LRRTM4: variants seen among roughly 807,000 people sequenced by gnomAD.
LRRTM4 encodes leucine-rich repeat transmembrane neuronal protein 4.
In LRRTM4, 25 loss-of-function variants were observed where a neutral mutation model predicts 47.6. The ratio of observed to expected loss-of-function variants is 0.53; its 90% confidence interval spans 0.38 to 0.73. LRRTM4 has a LOEUF of 0.73. Ranked by LOEUF, LRRTM4 falls within the 30% of genes least tolerant of loss-of-function variation. The pLI, the probability that LRRTM4 is intolerant of heterozygous loss-of-function variation, is 0.00. For missense variants in LRRTM4, 638 were observed against 713.4 expected, an observed-to-expected ratio of 0.89 and a Z score of 1.20; for synonymous variants, 311 against 269.5, an observed-to-expected ratio of 1.15 and a Z score of -1.51.
At chr2:77,360,484 TACGATAC>T (rs1672153888) in intron 3 of LRRTM4, among the ~76,000 whole-genome samples, 1 of 58,076 alleles carries the variant, frequency 1.7e-5, no homozygotes, top group South Asian at 6.0e-4. Flanking sequence ...TATGATACGA[TACGATAC>T]GATACGATAC....
intron 3 of LRRTM4, among the ~76,000 whole-genome samples, chr2:76,833,416 G>A (rs977546147): frequency 1.3e-5 from 2 of 151,968 alleles, no homozygotes; most frequent in African/African-American, 4.8e-5. Context: ...CTCAGCTCTA[G>A]AGAAACTAGA....
intron 3 of LRRTM4, among the ~76,000 whole-genome samples, chr2:77,502,749 G>A (rs2104080484): frequency 6.6e-6 from 1 of 151,602 alleles, no homozygotes; most frequent in East Asian, 1.9e-4. Flanking sequence ...CTCAAATTGG[G>A]TACATCTCAT....
At chr2:76,854,481 T>TA (rs543264605) in intron 3 of LRRTM4, among the ~76,000 whole-genome samples, 48 of 152,148 alleles carry the variant, frequency 3.2e-4, no homozygotes, top group South Asian at 1.2e-3. Context: ...ACAAATGGGA[T>TA]AAAAAAACCT....
At chr2:76,855,466 C>T (rs1038832267) in intron 3 of LRRTM4, among the ~76,000 whole-genome samples, 2 of 152,160 alleles carry the variant, frequency 1.3e-5, no homozygotes, top group Admixed American at 6.5e-5. Flanking sequence ...TCAAACACTT[C>T]ATAAAATTTC....
intron 3 of LRRTM4, among the ~76,000 whole-genome samples, chr2:77,220,015 A>G (rs1439261915): frequency 6.6e-6 from 1 of 152,190 alleles, no homozygotes; most frequent in African/African-American, 2.4e-5. Context: ...AAACTTCCAG[A>G]GGAATGATCA....
At chr2:76,764,525 G>A (rs1673380553) in intron 3 of LRRTM4, among the ~76,000 whole-genome samples, 1 of 152,142 alleles carries the variant, frequency 6.6e-6, no homozygotes. Flanking sequence ...CAGCTACTCC[G>A]GAGGCTGAGG....
At chr2:76,968,348 A>ATATGTGTGTG (rs1323714499) in intron 3 of LRRTM4, among the ~76,000 whole-genome samples, 19 of 90,600 alleles carry the variant, frequency 2.1e-4, no homozygotes, top group Admixed American at 1.4e-3. Context: ...GTGTATATAT[A>ATATGTGTGTG]TATATATATA....
chr2:77,056,839 A>G (rs867705767), intron 3 of LRRTM4, among the ~76,000 whole-genome samples: 2 of 152,204 alleles, frequency 1.3e-5, no homozygotes, highest in African/African-American at 2.4e-5. Context: ...CACACCCTAA[A>G]TATCTATAGG....
intron 3 of LRRTM4, among the ~76,000 whole-genome samples, chr2:77,117,188 A>C (rs1671409915): frequency 6.6e-6 from 1 of 151,996 alleles, no homozygotes; most frequent in Non-Finnish European, 1.5e-5. Context: ...ATCATTCATT[A>C]GTTGATGGAC....
chr2:77,426,681 C>T (rs1391869805), intron 3 of LRRTM4, among the ~76,000 whole-genome samples: 3 of 152,084 alleles, frequency 2.0e-5, no homozygotes, highest in African/African-American at 7.2e-5. Flanking sequence ...TCCTCCCCTA[C>T]TTTGAATTCC....
intron 3 of LRRTM4, among the ~76,000 whole-genome samples, chr2:77,330,065 C>A (rs1199280686): frequency 5.3e-5 from 8 of 152,120 alleles, no homozygotes; most frequent in African/African-American, 1.7e-4. Flanking sequence ...ACCTGCTCCT[C>A]TTCTCTGTGA....
At chr2:77,213,864 C>T (rs1378736311) in intron 3 of LRRTM4, among the ~76,000 whole-genome samples, 1 of 151,636 alleles carries the variant, frequency 6.6e-6, no homozygotes, top group Non-Finnish European at 1.5e-5. Flanking sequence ...CACTTTATCT[C>T]AGTAGTAGAG....
rs991263181 is a variant in LRRTM4 at position 76,842,043 on chromosome 2, C to T, written c.1552-93127G>A. ...GGTTAAACATTATTTCTGGGTGTGT[C>T]TATGAGGCTGTTTTCCAGGAGTGAC... On this transcript the variant is annotated intron_variant, in intron 3 of 3. Transcript: ENST00000409884. Among the ~76,000 whole-genome samples the T allele has an allele frequency of 5.3e-5, 8 of 152,258 alleles. No individual in the cohort carries two copies. In the South Asian group the frequency reaches 1.7e-3, roughly 32 times the overall value.
chr2:76,968,860 T>G (rs985219750), intron 3 of LRRTM4, among the ~76,000 whole-genome samples: 2 of 151,854 alleles, frequency 1.3e-5, no homozygotes, highest in African/African-American at 4.8e-5. Flanking sequence ...GGCTTCCTTT[T>G]AAAGATTTCA....
intron 3 of LRRTM4, among the ~76,000 whole-genome samples, chr2:76,804,347 T>A (rs72815464): frequency 0.11 from 17,141 of 152,136 alleles, 1,144 homozygotes; most frequent in Non-Finnish European, 0.14. Flanking sequence ...ATTTGATAAT[T>A]GCGTTGCTTG....
At position 77,198,074 on chromosome 2, in the gene LRRTM4, C is replaced by T. The variant is rs185627522; in HGVS notation, c.1551+320244G>A. Among the ~76,000 whole-genome samples, 434 of 152,288 alleles carry T rather than the reference C, an allele frequency of 2.8e-3. 2 individuals carry two copies. The highest frequency in any genetic ancestry group is 0.01 in the Middle Eastern group (3 of 294). The stretch of plus-strand genomic sequence containing the variant: ...CAGTATAGTAAAATTCTCAAAACCT[C>T]AGTAGTTTAAACAACAAACTTCTAT... On this transcript the variant is annotated intron_variant, in intron 3 of 3. Transcript: ENST00000409884.
chr2:77,078,406 A>C (rs1429457153), intron 3 of LRRTM4, among the ~76,000 whole-genome samples: 1 of 150,114 alleles, frequency 6.7e-6, no homozygotes, highest in Non-Finnish European at 1.5e-5. Flanking sequence ...ACACACACAC[A>C]CATGTTCTGG....
chr2:77,089,540 C>T (rs1055766410), intron 3 of LRRTM4, among the ~76,000 whole-genome samples: 2 of 151,886 alleles, frequency 1.3e-5, no homozygotes, highest in Non-Finnish European at 2.9e-5. Flanking sequence ...TGTGCCCCAA[C>T]CCCTTTTCCC....
intron 3 of LRRTM4, among the ~76,000 whole-genome samples, chr2:77,101,933 A>G (rs1302403479): frequency 6.6e-6 from 1 of 152,130 alleles, no homozygotes; most frequent in Non-Finnish European, 1.5e-5. Flanking sequence ...ATGAGTCTTC[A>G]AAAAAACGTT....
Sources: allele counts gnomAD v4.1 joint callset (sites outside exome capture counted in the v4.1 genomes callset), GRCh38; gene constraint gnomAD v4.1.1; transcripts MANE v1.5; gene names NCBI Gene and HGNC (gene_info 2026-07-23, HGNC 2026-07-21).